Variants in KHDRBS2 observed in about 807,000 individuals in gnomAD.
KHDRBS2 encodes the protein KH domain-containing, RNA-binding, signal transduction-associated protein 2.
KHDRBS2 carries 26 observed loss-of-function variants against 44.3 expected under a neutral mutation model. That is an observed-to-expected ratio of 0.59 (90% CI 0.43 to 0.81). The LOEUF (loss-of-function observed/expected upper bound fraction) is 0.81. Ranked by LOEUF, KHDRBS2 falls within the 40% of genes least tolerant of loss-of-function variation. KHDRBS2 has a pLI of 0.00. For missense variants in KHDRBS2, 476 were observed against 433.1 expected (o/e 1.10, Z -0.88); for synonymous variants, 194 against 151.1 (o/e 1.28, Z -2.08).
the KHDRBS2 span, among the ~76,000 whole-genome samples, chr6:61,670,827 T>C: frequency 2.6e-5 from 4 of 151,654 alleles, no homozygotes; most frequent in African/African-American, 9.7e-5. Flanking sequence ...TTTCATTAAA[T>C]ATATTTCTCT....
intron 1 of KHDRBS2, among the ~76,000 whole-genome samples, chr6:62,252,657 T>A (rs1352326320): frequency 1.3e-5 from 2 of 151,980 alleles, no homozygotes; most frequent in South Asian, 2.1e-4. Flanking sequence ...ACAGAGAAAG[T>A]TAAAATAACT....
Position 62,152,751 on chromosome 6 carries a change from T to C in KHDRBS2, c.219+24434A>G, listed in dbSNP as rs1438393490. ...CTGCTTGCTCCACAGAGATGGCTGGTATAAATTGGTGCAGGCTGCTCTGTG... is the reference window on the plus strand; with the variant it reads ...CTGCTTGCTCCACAGAGATGGCTGGCATAAATTGGTGCAGGCTGCTCTGTG... On this transcript the variant is annotated intron_variant, in intron 2 of 8. Coordinates refer to ENST00000281156, the MANE Select transcript of KHDRBS2 (RefSeq NM_152688.4). 2.0e-5 allele frequency among the ~76,000 whole-genome samples: 3 copies of C among 152,168 alleles called. No homozygotes were observed. The East Asian group carries it at 5.8e-4, about 29-fold the overall frequency.
chr6:62,152,511 AAT>A (rs1376546478), intron 2 of KHDRBS2, among the ~76,000 whole-genome samples: 3 of 152,202 alleles, frequency 2.0e-5, no homozygotes, highest in Non-Finnish European at 4.4e-5. Context: ...GTTACTTAAT[AAT>A]CACTGACTCT....
chr6:61,569,080 G>A, the KHDRBS2 span, among the ~76,000 whole-genome samples: 264 of 120,850 alleles, frequency 2.2e-3, 2 homozygotes, highest in African/African-American at 7.9e-3. Context: ...GTGGGAGTGA[G>A]ACTAGCCTCA....
chr6:61,824,350 C>A (rs922521412), intron 6 of KHDRBS2, among the ~76,000 whole-genome samples: 1 of 151,926 alleles, frequency 6.6e-6, no homozygotes, highest in Admixed American at 6.6e-5. Context: ...TGTTTGAAAG[C>A]GTGTAGCACT....
chr6:61,925,684 T>G (rs2127362439), intron 4 of KHDRBS2, among the ~76,000 whole-genome samples: 1 of 149,378 alleles, frequency 6.7e-6, no homozygotes, highest in African/African-American at 2.5e-5. Context: ...ATTGGACCAC[T>G]GCACTCTAGC....
chr6:61,784,685 C>T (rs188214587), intron 6 of KHDRBS2, among the ~76,000 whole-genome samples: 1 of 152,196 alleles, frequency 6.6e-6, no homozygotes, highest in East Asian at 1.9e-4. Context: ...ACAATATCTA[C>T]TGAAATTTTT....
At chr6:61,735,245 A>C (rs756266955) in intron 6 of KHDRBS2, among the ~76,000 whole-genome samples, 1 of 151,950 alleles carries the variant, frequency 6.6e-6, no homozygotes, top group Non-Finnish European at 1.5e-5. Flanking sequence ...ATTTTGTCTC[A>C]TTTGTGTTAT....
At chr6:62,012,591 CTTAG>C (rs1297529757) in intron 3 of KHDRBS2, among the ~76,000 whole-genome samples, 4 of 152,098 alleles carry the variant, frequency 2.6e-5, no homozygotes, top group African/African-American at 9.7e-5. Context: ...TTCAAGGAAA[CTTAG>C]TTAAAGTCCT....
At chr6:62,206,962 A>G (rs1025342103) in intron 1 of KHDRBS2, among the ~76,000 whole-genome samples, 3 of 152,126 alleles carry the variant, frequency 2.0e-5, no homozygotes, top group African/African-American at 7.2e-5. Flanking sequence ...CTCTCTTCAA[A>G]CTTACATGTA....
At chr6:61,584,877 G>A in the KHDRBS2 span, among the ~76,000 whole-genome samples, 8 of 151,124 alleles carry the variant, frequency 5.3e-5, no homozygotes, top group East Asian at 3.9e-4. Context: ...ATTTTAAAGC[G>A]TAATTTTTGA....
intron 4 of KHDRBS2, among the ~76,000 whole-genome samples, chr6:61,904,804 C>CT (rs1329717500): frequency 6.6e-6 from 1 of 152,098 alleles, no homozygotes; most frequent in African/African-American, 2.4e-5. Context: ...TTGGCTCCTT[C>CT]TTTTTTTGTC....
At chr6:61,625,978 A>C in the KHDRBS2 span, among the ~76,000 whole-genome samples, 1 of 152,366 alleles carries the variant, frequency 6.6e-6, no homozygotes, top group African/African-American at 2.4e-5. Flanking sequence ...AAATGGATAT[A>C]ATATTGCATT....
chr6:61,607,500 G>T, the KHDRBS2 span, among the ~76,000 whole-genome samples: 1 of 60,474 alleles, frequency 1.7e-5, no homozygotes, highest in African/African-American at 6.3e-5. Flanking sequence ...TGAGGTAGAA[G>T]CATACATATG....
At chr6:62,013,476 A>C (rs1780661414) in intron 3 of KHDRBS2, among the ~76,000 whole-genome samples, 1 of 124,562 alleles carries the variant, frequency 8.0e-6, no homozygotes, top group Middle Eastern at 4.1e-3. Flanking sequence ...CTTTCATTTA[A>C]AATAATAGAA....
At chr6:62,069,585 C>A (rs968189262) in intron 2 of KHDRBS2, among the ~76,000 whole-genome samples, 2 of 151,620 alleles carry the variant, frequency 1.3e-5, no homozygotes, top group African/African-American at 4.8e-5. Flanking sequence ...GAAAAATACA[C>A]CAGAACTGTG....
intron 1 of KHDRBS2, among the ~76,000 whole-genome samples, chr6:62,189,283 A>G (rs1824099745): frequency 6.6e-6 from 1 of 152,068 alleles, no homozygotes; most frequent in South Asian, 2.1e-4. Flanking sequence ...CACCTTAGAA[A>G]TAAGTCCTCT....
chr6:62,019,305 T>G (rs1231548266), intron 3 of KHDRBS2, among the ~76,000 whole-genome samples: 1 of 152,120 alleles, frequency 6.6e-6, no homozygotes, highest in Admixed American at 6.5e-5. Flanking sequence ...CTATTCCAAT[T>G]TTACTGAGAA....
At chr6:61,557,214 A>G in the KHDRBS2 span, among the ~76,000 whole-genome samples, 1 of 152,144 alleles carries the variant, frequency 6.6e-6, no homozygotes, top group African/African-American at 2.4e-5. Flanking sequence ...ATATTGCATT[A>G]TATATGCTTA....
Sources: allele counts gnomAD v4.1 joint callset (sites outside exome capture counted in the v4.1 genomes callset), GRCh38; gene constraint gnomAD v4.1.1; transcripts MANE v1.5; gene names NCBI Gene and HGNC (gene_info 2026-07-23, HGNC 2026-07-21).